Variants in KHDC1L observed in about 807,000 individuals in gnomAD.
The protein encoded by KHDC1L is KHDC1-like protein.
KHDC1L carries 5 observed loss-of-function variants against 11.2 expected under a neutral mutation model. The ratio of observed to expected loss-of-function variants is 0.45; its 90% confidence interval spans 0.23 to 0.94. KHDC1L has a LOEUF of 0.94. Among genes scored for constraint, KHDC1L ranks in the 40% least tolerant of loss-of-function variants. The probability of loss-of-function intolerance (pLI) is 0.22; values close to 1 mark genes in which losing one functional copy is unlikely to be tolerated. For missense variants in KHDC1L, 168 were observed against 165.8 expected (o/e 1.01, Z -0.07); for synonymous variants, 66 against 62.7 (o/e 1.05, Z -0.25).
In KHDC1L at chr6:73,223,667, A is replaced by T; in HGVS notation, c.*81T>A. 8.2e-7 allele frequency: 1 copy of T among 1,215,078 alleles called. No individual in the cohort carries two copies. The highest frequency in any genetic ancestry group is 1.2e-6 in the Non-Finnish European group (1 of 849,872). 75.3% of individuals were successfully genotyped at this position (1,215,078 alleles called of 1,614,324 possible). ...GGGGCAGGTCTGGCCACAAATTCAA[A>T]CTTTCTTCAGTGTTTTTCATGTCTT... is the stretch of plus-strand genomic sequence containing the variant. On this transcript the variant is annotated 3_prime_UTR_variant, in exon 3 of 3. Coordinates refer to ENST00000370388, the MANE Select transcript of KHDC1L (RefSeq NM_001126063.3).
rs2282448 is a variant in KHDC1L at position 73,223,678 on chromosome 6, T to G, written c.*70A>C. ...GGCCACAAATTCAAACTTTCTTCAG[T>G]GTTTTTCATGTCTTTCTCACCAAAA... On this transcript the variant is annotated 3_prime_UTR_variant, in exon 3 of 3. Coordinates refer to ENST00000370388, the MANE Select transcript of KHDC1L (RefSeq NM_001126063.3). 93,592 of 1,301,380 alleles carry G rather than the reference T, an allele frequency of 0.072. 4,064 individuals carry two copies. The highest frequency in any genetic ancestry group is 0.18 in the East Asian group (7,139 of 39,694). The allele number at this position is 1,301,380 out of a possible 1,614,324, so 80.6% of individuals were successfully genotyped here. A position where few individuals can be genotyped will look rare whatever the true frequency, so the allele number is the denominator to read the frequency against.
chr6:73,225,171 G>A, intron 1 of KHDC1L, 126 bp downstream of exon 1: 1 of 748,452 alleles, frequency 1.3e-6, no homozygotes, highest in Middle Eastern at 3.9e-4. Context: ...GCAGGCTGAA[G>A]CAGGAGAATC....
chr6:73,223,570 T>C lies in KHDC1L; in HGVS notation c.*178A>G. 1 of 568,558 alleles carries C rather than the reference T, an allele frequency of 1.8e-6. No individual in the cohort carries two copies. Among genetic ancestry groups the C allele is most frequent in the Non-Finnish European group, 3.2e-6 (1 of 315,252 alleles). The allele number at this position is 568,558 out of a possible 1,614,324, so 35.2% of individuals were successfully genotyped here. On this transcript the variant is annotated 3_prime_UTR_variant, in exon 3 of 3. Coordinates refer to ENST00000370388, the MANE Select transcript of KHDC1L (RefSeq NM_001126063.3). ...TTGCATCATAGGTAGCTTATTTTAT[T>C]GGATTGCTTTGCCAATAACACTTCT...
At position 73,223,740 on chromosome 6, in the gene KHDC1L, A is replaced by T. The variant is rs754434890; in HGVS notation, c.*8T>A. 13 of 1,597,310 alleles carry T rather than the reference A, an allele frequency of 8.1e-6. No homozygotes were observed. The South Asian group carries it at 1.4e-4, about 17-fold the overall frequency. The stretch of plus-strand genomic sequence containing the variant: ...ACTTCTCCTCTCATCCCCTCTTCCC[A>T]GGGGAGATCAGTCTCCGGTGTACGG... On this transcript the variant is annotated 3_prime_UTR_variant, in exon 3 of 3. Coordinates refer to ENST00000370388, the MANE Select transcript of KHDC1L (RefSeq NM_001126063.3).
At position 73,225,326 on chromosome 6, in the gene KHDC1L, A is replaced by G; in HGVS notation, c.83T>C (p.Met28Thr). ...GATGAGCTCCTCCTGGTCCTCTTCC[A>G]TGTGGAACACCATTGGAGAATGAAA... ...ENFHSPMVFH[M>T]EEDQEELIFG... is the part of the protein sequence containing the mutation. The change falls in exon 1 of 3, where the codon ATG becomes ACG. Residue 28 changes from methionine to threonine, a missense_variant. Transcript: ENST00000370388. The G allele has an allele frequency of 2.5e-6, 4 of 1,614,060 alleles. No individual in the cohort carries two copies. Among genetic ancestry groups the G allele is most frequent in the African/African-American group, 1.3e-5 (1 of 75,056 alleles).
In KHDC1L at chr6:73,224,182, G is replaced by T; in HGVS notation, c.279C>A (p.Ser93=). The T allele has an allele frequency of 6.4e-7, 1 of 1,567,500 alleles. No homozygotes were observed. ...GATACCTACCTCGAGCGTGACACTTGGAGTCCTGGCTCCCCACGCAATGGA... is the reference window on the plus strand; with the variant it reads ...GATACCTACCTCGAGCGTGACACTTTGAGTCCTGGCTCCCCACGCAATGGA... ...LMFHCVGSQD[S]KCHARGLKML... The change falls in exon 2 of 3, where the codon TCC becomes TCA. Residue 93 remains serine (S), a synonymous_variant. Transcript: ENST00000370388.
At chr6:73,223,958 G>A (rs1221211212) in intron 2 of KHDC1L, 119 bp from the exon 3 acceptor site, 21 of 1,019,878 alleles carry the variant, frequency 2.1e-5, no homozygotes, top group South Asian at 1.6e-4. Context: ...GTCTTCCAAG[G>A]TAACCCATTT....
chr6:73,224,906 C>T (rs1766333612), intron 1 of KHDC1L, among the ~76,000 whole-genome samples: 1 of 149,830 alleles, frequency 6.7e-6, no homozygotes. Flanking sequence ...ACGGTGAAAC[C>T]CCATCTCTAC....
chr6:73,223,707 A>G lies in KHDC1L; in HGVS notation c.*41T>C. 1 of 1,522,796 alleles carries G rather than the reference A, an allele frequency of 6.6e-7. No individual in the cohort carries two copies. The highest frequency in any genetic ancestry group is 9.0e-7 in the Non-Finnish European group (1 of 1,113,706). The allele number at this position is 1,522,796 out of a possible 1,614,324, so 94.3% of individuals were successfully genotyped here. The stretch of plus-strand genomic sequence containing the variant: ...TTTCATGTCTTTCTCACCAAAAGCG[A>G]AGCCAAGACTTCTCCTCTCATCCCC... On this transcript the variant is annotated 3_prime_UTR_variant, in exon 3 of 3. Coordinates refer to ENST00000370388, the MANE Select transcript of KHDC1L (RefSeq NM_001126063.3).
At position 73,225,358 on chromosome 6, in the gene KHDC1L, G is replaced by A. The variant is rs1250825231; in HGVS notation, c.51C>T (p.Pro17=). The A allele has an allele frequency of 3.1e-6, 5 of 1,614,074 alleles. No individual in the cohort carries two copies. Among genetic ancestry groups the A allele is most frequent in the South Asian group, 1.1e-5 (1 of 91,068 alleles). The change falls in exon 1 of 3, where the codon CCC becomes CCT. Residue 17 remains proline (P), a synonymous_variant. Coordinates refer to ENST00000370388, the MANE Select transcript of KHDC1L (RefSeq NM_001126063.3). ...ALSKEPWWTL[P]ENFHSPMVFH... is the part of the protein sequence containing the mutation. Reference sequence around the variant, plus strand: ...ACACCATTGGAGAATGAAAGTTTTCGGGCAGGGTCCACCACGGCTCCTTGC... The same window carrying A: ...ACACCATTGGAGAATGAAAGTTTTCAGGCAGGGTCCACCACGGCTCCTTGC...
chr6:73,224,769 AT>A (rs1245020984), intron 1 of KHDC1L, among the ~76,000 whole-genome samples: 1 of 59,208 alleles, frequency 1.7e-5, no homozygotes, highest in African/African-American at 9.8e-5. Flanking sequence ...GAGATTCCAT[AT>A]CAAAAAAAAA....
In KHDC1L at chr6:73,224,176, A is replaced by G; in HGVS notation, c.285T>C (p.Cys95=). 1 of 1,564,548 alleles carries G rather than the reference A, an allele frequency of 6.4e-7. No individual in the cohort carries two copies. The highest frequency in any genetic ancestry group is 1.4e-5 in the African/African-American group (1 of 73,748). The change falls in exon 2 of 3, where the codon TGT becomes TGC. Residue 95 remains cysteine (C), a synonymous_variant. Transcript: ENST00000370388. The part of the protein sequence containing the change: ...FHCVGSQDSK[C]HARGLKMLER... ...GCCAAGGATACCTACCTCGAGCGTGACACTTGGAGTCCTGGCTCCCCACGC... is the reference window on the plus strand; with the variant it reads ...GCCAAGGATACCTACCTCGAGCGTGGCACTTGGAGTCCTGGCTCCCCACGC...
In KHDC1L at chr6:73,225,491, G is replaced by A. The variant is rs1766350639; in HGVS notation, c.-83C>T. The A allele has an allele frequency of 2.0e-6, 2 of 976,274 alleles. No homozygotes were observed. Among genetic ancestry groups the A allele is most frequent in the African/African-American group, 1.6e-5 (1 of 61,918 alleles). The allele number at this position is 976,274 out of a possible 1,614,324, so 60.5% of individuals were successfully genotyped here. A position where few individuals can be genotyped will look rare whatever the true frequency, so the allele number is the denominator to read the frequency against. On this transcript the variant is annotated 5_prime_UTR_variant, in exon 1 of 3. Transcript: ENST00000370388. ...ACTTGGAAAAGCGAGGAAGGGCCTA[G>A]GCTCTGTCCTTAAAAAGGGTTGTCC...
Position 73,224,303 on chromosome 6 carries a change from G to A in KHDC1L, c.158C>T (p.Thr53Ile). 6.3e-7 allele frequency: 1 copy of A among 1,598,788 alleles called. No individual in the cohort carries two copies. ...YLRCIELHSH[T>I]LIQLERCFTA... is the part of the protein sequence containing the mutation. The stretch of plus-strand genomic sequence containing the variant: ...GAAACACCTCTCCAGCTGAATAAGG[G>A]TGTGGCTGTGCAGCTCAATGCAGCG... Residue 53 changes from threonine to isoleucine, a missense_variant, in exon 2 of 3, where the codon ACC (threonine) becomes ATC (isoleucine). Thr to Ile is a moderately conservative substitution (Grantham distance 89, BLOSUM62 -1). Transcript: ENST00000370388.
At position 73,225,378 on chromosome 6, in the gene KHDC1L, C is replaced by T. The variant is rs746420393; in HGVS notation, c.31G>A (p.Glu11Lys). Reference protein sequence around the residue: MAVGTSALSKEPWWTLPENFH... With the variant: MAVGTSALSKKPWWTLPENFH... ...TTTTCGGGCAGGGTCCACCACGGCT[C>T]CTTGCTGAGAGCACTCGTTCCCACG... is the stretch of plus-strand genomic sequence containing the variant. Residue 11 changes from glutamate (E) to lysine (K), a missense_variant, in exon 1 of 3, where the codon GAG becomes AAG. Coordinates refer to ENST00000370388, the MANE Select transcript of KHDC1L (RefSeq NM_001126063.3). 3.1e-6 allele frequency: 5 copies of T among 1,614,002 alleles called. No homozygotes were observed. Among genetic ancestry groups the T allele is most frequent in the Non-Finnish European group, 4.2e-6 (5 of 1,179,988 alleles).
chr6:73,224,298 T>G lies in KHDC1L; in HGVS notation c.163A>C (p.Ile55Leu). The change falls in exon 2 of 3, where the codon ATT (isoleucine) becomes CTT (leucine). Residue 55 changes from isoleucine to leucine, a missense_variant. Transcript: ENST00000370388. ...RCIELHSHTL[I>L]QLERCFTATG... is the part of the protein sequence containing the mutation. ...GCTGTGAAACACCTCTCCAGCTGAA[T>G]AAGGGTGTGGCTGTGCAGCTCAATG... 1 of 1,599,278 alleles carries G rather than the reference T, an allele frequency of 6.3e-7. No homozygotes were observed. The highest frequency in any genetic ancestry group is 8.5e-7 in the Non-Finnish European group (1 of 1,172,350).
At chr6:73,224,040 A>G (rs1766311550) in intron 2 of KHDC1L, 126 bp downstream of exon 2, 6 of 1,192,138 alleles carry the variant, frequency 5.0e-6, no homozygotes, top group Non-Finnish European at 7.0e-6. Flanking sequence ...TTCCCAATGG[A>G]CTCTGGGAAG....
intron 1 of KHDC1L, among the ~76,000 whole-genome samples, chr6:73,224,748 C>G (rs547932643): frequency 7.9e-6 from 1 of 125,992 alleles, no homozygotes; most frequent in Non-Finnish European, 1.6e-5. Flanking sequence ...TGCACTCCAG[C>G]CTGGGCGACA....
intron 1 of KHDC1L, among the ~76,000 whole-genome samples, chr6:73,224,797 C>T (rs1364438492): frequency 2.4e-5 from 3 of 127,572 alleles, no homozygotes; most frequent in South Asian, 5.1e-4. Context: ...AAAAAAAACA[C>T]GAGGCCGGGC....
Sources: gnomAD v4.1 joint callset for allele counts (sites outside exome capture counted in the v4.1 genomes callset) on GRCh38, gnomAD v4.1.1 for gene constraint, MANE v1.5 for transcripts, NCBI Gene and HGNC (gene_info 2026-07-23, HGNC 2026-07-21) for gene names.